The following KIF6 variants were observed in gnomAD, a reference collection of about 807,000 sequenced individuals.
The protein encoded by KIF6 is kinesin-like protein KIF6.
In KIF6, 106 loss-of-function variants were observed where a neutral mutation model predicts 112.7. That is an observed-to-expected ratio of 0.94 (90% CI 0.80 to 1.11). KIF6 has a LOEUF of 1.11. Among genes scored for constraint, KIF6 ranks in the 50% least tolerant of loss-of-function variants. The probability of loss-of-function intolerance (pLI) is 0.00; values close to 1 mark genes in which losing one functional copy is unlikely to be tolerated. For missense variants in KIF6, 929 were observed against 964.0 expected, an observed-to-expected ratio of 0.96 and a Z score of 0.48; for synonymous variants, 339 against 339.9, an observed-to-expected ratio of 1.00 and a Z score of 0.03.
chr6:39,494,961 G>A (rs1352961981), intron 13 of KIF6, among the ~76,000 whole-genome samples: 1 of 152,072 alleles, frequency 6.6e-6, no homozygotes, highest in African/African-American at 2.4e-5. Context: ...AGTGGGGATG[G>A]GGACATCAGA....
Position 39,474,154 on chromosome 6 carries a change from T to C in KIF6, c.1646-42993A>G, listed in dbSNP as rs144377774. ...GAAATGTTTAAAGGGACAGTTATTTTTAAGAGTTTGAAACATTTAAAATCT... is the reference window on the plus strand; with the variant it reads ...GAAATGTTTAAAGGGACAGTTATTTCTAAGAGTTTGAAACATTTAAAATCT... On this transcript the variant is annotated intron_variant, in intron 13 of 22. Coordinates refer to ENST00000287152, the MANE Select transcript of KIF6 (RefSeq NM_145027.6). 1.1e-3 allele frequency among the ~76,000 whole-genome samples: 174 copies of C among 152,376 alleles called. 1 individual carries two copies. Among genetic ancestry groups the C allele is most frequent in the Non-Finnish European group, 2.2e-3 (150 of 68,044 alleles).
At chr6:39,703,890 A>G (rs997355884) in intron 3 of KIF6, among the ~76,000 whole-genome samples, 1 of 152,232 alleles carries the variant, frequency 6.6e-6, no homozygotes, top group Non-Finnish European at 1.5e-5. Flanking sequence ...AGGATTTTCC[A>G]GAACACCTTG....
At chr6:39,638,903 T>C (rs1158121941) in intron 4 of KIF6, among the ~76,000 whole-genome samples, 1 of 152,038 alleles carries the variant, frequency 6.6e-6, no homozygotes, top group Non-Finnish European at 1.5e-5. Context: ...GTCCGAGGTA[T>C]AGAAGCAATA....
intron 3 of KIF6, among the ~76,000 whole-genome samples, chr6:39,713,069 C>T (rs372093710): frequency 2.0e-5 from 3 of 152,068 alleles, no homozygotes; most frequent in African/African-American, 4.8e-5. Context: ...CTGAGAAAGC[C>T]GCTATGAGCA....
intron 3 of KIF6, chr6:39,691,210 A>G (rs556240794): frequency 4.1e-4 from 63 of 152,378 alleles, no homozygotes; most frequent in African/African-American, 1.5e-3. Context: ...TAGTAAGGAT[A>G]GTAAAGAGAA....
In KIF6 at chr6:39,335,113, A is replaced by G. The variant is rs559153397; in HGVS notation, c.*1419T>C. 3.3e-5 allele frequency: 5 copies of G among 152,262 alleles called. No homozygotes were observed. Among genetic ancestry groups the G allele is most frequent in the African/African-American group, 1.2e-4 (5 of 41,532 alleles). 9.4% of individuals were successfully genotyped at this position (152,262 alleles called of 1,614,324 possible). A position where few individuals can be genotyped will look rare whatever the true frequency, so the allele number is the denominator to read the frequency against. On this transcript the variant is annotated 3_prime_UTR_variant, in exon 23 of 23. Coordinates refer to ENST00000287152, the MANE Select transcript of KIF6 (RefSeq NM_145027.6). ...GACAAACAGGTCCCTGTTGCATTGG[A>G]GCTCTTAGTATTATGGGGGGTTGCA...
At chr6:39,437,398 C>A (rs1771598346) in intron 13 of KIF6, among the ~76,000 whole-genome samples, 1 of 152,096 alleles carries the variant, frequency 6.6e-6, no homozygotes, top group Non-Finnish European at 1.5e-5. Flanking sequence ...TTTCTAGAAT[C>A]CAGATAGTAC....
chr6:39,337,836 T>G (rs1369038569), intron 22 of KIF6, among the ~76,000 whole-genome samples: 1 of 152,186 alleles, frequency 6.6e-6, no homozygotes, highest in Admixed American at 6.5e-5. Context: ...GGGCAAGTCA[T>G]GTCAGTTCTC....
intron 15 of KIF6, among the ~76,000 whole-genome samples, chr6:39,397,114 C>T (rs1454277537): frequency 6.6e-6 from 1 of 152,142 alleles, no homozygotes; most frequent in Non-Finnish European, 1.5e-5. Flanking sequence ...TTTCAGCACT[C>T]GCTGACTCCA....
At chr6:39,416,564 G>A (rs1203678473) in intron 15 of KIF6, among the ~76,000 whole-genome samples, 1 of 152,114 alleles carries the variant, frequency 6.6e-6, no homozygotes, top group Non-Finnish European at 1.5e-5. Context: ...GATGTAAATG[G>A]CGTCTAGAGA....
chr6:39,719,974 C>A (rs1370559000), intron 2 of KIF6, among the ~76,000 whole-genome samples: 1 of 151,850 alleles, frequency 6.6e-6, no homozygotes, highest in Non-Finnish European at 1.5e-5. Context: ...CAGAGCAGGA[C>A]CCCATCTTAA....
At chr6:39,394,060 A>G (rs897792434) in intron 15 of KIF6, among the ~76,000 whole-genome samples, 2 of 152,090 alleles carry the variant, frequency 1.3e-5, no homozygotes, top group African/African-American at 4.8e-5. Context: ...TTGTGCATAT[A>G]TATGTATATG....
intron 3 of KIF6, among the ~76,000 whole-genome samples, chr6:39,710,201 A>G (rs1012092281): frequency 6.6e-6 from 1 of 152,216 alleles, no homozygotes; most frequent in African/African-American, 2.4e-5. Flanking sequence ...GATTAGGGAC[A>G]GTAAGATACT....
chr6:39,523,181 C>G (rs948793425), intron 13 of KIF6, among the ~76,000 whole-genome samples: 1 of 152,106 alleles, frequency 6.6e-6, no homozygotes, highest in Non-Finnish European at 1.5e-5. Flanking sequence ...CTAATCAGTT[C>G]TCTTTGCTAT....
chr6:39,570,635 G>A (rs1306313683), intron 10 of KIF6, among the ~76,000 whole-genome samples: 1 of 152,150 alleles, frequency 6.6e-6, no homozygotes, highest in African/African-American at 2.4e-5. Context: ...GGACCTGATA[G>A]GAGATAACTG....
intron 16 of KIF6, among the ~76,000 whole-genome samples, chr6:39,382,780 C>T (rs762699051): frequency 8.6e-5 from 13 of 152,026 alleles, no homozygotes; most frequent in Non-Finnish European, 1.9e-4. Context: ...TTTGCATTCC[C>T]ACCAGCAGTG....
intron 15 of KIF6, among the ~76,000 whole-genome samples, chr6:39,394,643 G>A (rs553651105): frequency 5.4e-4 from 82 of 152,210 alleles, no homozygotes; most frequent in Non-Finnish European, 9.4e-4. Context: ...CCTTCCATGG[G>A]TTCCTCAAAG....
At position 39,590,449 on chromosome 6, in the gene KIF6, A is replaced by ATT. The variant is rs1443033247; in HGVS notation, c.847-4046_847-4045insAA. Among the ~76,000 whole-genome samples, 133 of 96,510 alleles carry ATT rather than the reference A, an allele frequency of 1.4e-3. 1 individual carries two copies. The highest frequency in any genetic ancestry group is 6.1e-3 in the African/African-American group (130 of 21,252). 63.3% of individuals were successfully genotyped at this position (96,510 alleles called of 152,430 possible). A position where few individuals can be genotyped will look rare whatever the true frequency, so the allele number is the denominator to read the frequency against. ...TGTGTGTATATATATATATATATAT[A>ATT]TATTTTTTTTTTTTTTTTGAGATGG... is the stretch of plus-strand genomic sequence containing the variant. On this transcript the variant is annotated intron_variant, in intron 7 of 22. Transcript: ENST00000287152.
chr6:39,549,549 A>T (rs1582110192), intron 10 of KIF6, among the ~76,000 whole-genome samples: 1 of 152,210 alleles, frequency 6.6e-6, no homozygotes, highest in Non-Finnish European at 1.5e-5. Flanking sequence ...TACTATAACA[A>T]AGTTACTCAA....
Sources: allele counts gnomAD v4.1 joint callset (sites outside exome capture counted in the v4.1 genomes callset), GRCh38; gene constraint gnomAD v4.1.1; transcripts MANE v1.5; gene names NCBI Gene and HGNC (gene_info 2026-07-23, HGNC 2026-07-21).